Variants in OSTN observed in about 807,000 individuals in gnomAD.
The protein encoded by OSTN is osteocrin.
In OSTN, 9 loss-of-function variants were observed where a neutral mutation model predicts 12.0. The observed-to-expected ratio is 0.75, with a 90% confidence interval of 0.45 to 1.30. The LOEUF (loss-of-function observed/expected upper bound fraction) is 1.30, where lower values mean the gene tolerates loss of function less well. Ranked by LOEUF, OSTN falls within the 50% of genes most tolerant of loss-of-function variation. OSTN has a pLI of 0.00. For missense variants in OSTN, 148 were observed against 152.3 expected (o/e 0.97, Z 0.15); for synonymous variants, 59 against 56.9 (o/e 1.04, Z -0.16).
chr3:191,245,790 G>A (rs986447084), intron 3 of OSTN, among the ~76,000 whole-genome samples: 2 of 152,110 alleles, frequency 1.3e-5, no homozygotes, highest in African/African-American at 4.8e-5. Flanking sequence ...AAGAGGCCGG[G>A]CACAGTGGCT....
intron 3 of OSTN, among the ~76,000 whole-genome samples, chr3:191,236,177 G>A (rs917800843): frequency 6.6e-6 from 1 of 152,150 alleles, no homozygotes; most frequent in Non-Finnish European, 1.5e-5. Context: ...AATGCAAAAC[G>A]AAATACTTCC....
At chr3:191,218,307 C>G (rs1361968229) in intron 2 of OSTN, among the ~76,000 whole-genome samples, 1 of 152,124 alleles carries the variant, frequency 6.6e-6, no homozygotes, top group Admixed American at 6.6e-5. Flanking sequence ...ATCTAGCACT[C>G]TCTATGGAAA....
At chr3:191,241,152 A>G (rs1432688567) in intron 3 of OSTN, among the ~76,000 whole-genome samples, 2 of 127,038 alleles carry the variant, frequency 1.6e-5, no homozygotes, top group Non-Finnish European at 3.3e-5. Context: ...AAGTTGGTGG[A>G]GCTCTGTGCC....
At chr3:191,234,522 C>T (rs951307074) in intron 3 of OSTN, 4 of 151,960 alleles carry the variant, frequency 2.6e-5, no homozygotes, top group Non-Finnish European at 4.4e-5. Context: ...CAAAGCGAAA[C>T]CCCGTCTCTA....
chr3:191,243,783 C>T (rs912602645), intron 3 of OSTN, among the ~76,000 whole-genome samples: 10 of 152,170 alleles, frequency 6.6e-5, no homozygotes, highest in South Asian at 2.1e-4. Context: ...TTAATATTTA[C>T]ATTATTTACA....
At chr3:191,239,315 G>GT in intron 3 of OSTN, among the ~76,000 whole-genome samples, 1 of 151,926 alleles carries the variant, frequency 6.6e-6, no homozygotes, top group South Asian at 2.1e-4. Flanking sequence ...TATGCCCTGT[G>GT]AAGGGATGAA....
chr3:191,216,300 C>T (rs1714610234), intron 2 of OSTN, among the ~76,000 whole-genome samples: 1 of 152,224 alleles, frequency 6.6e-6, no homozygotes, highest in African/African-American at 2.4e-5. Context: ...ATTTTTCCCT[C>T]CTAGGCCGCT....
chr3:191,226,370 A>G (rs1444859411), intron 3 of OSTN, among the ~76,000 whole-genome samples: 1 of 152,210 alleles, frequency 6.6e-6, no homozygotes, highest in East Asian at 1.9e-4. Context: ...CAACAGAATA[A>G]GAACTGAGAA....
At chr3:191,222,170 G>A (rs1218955333) in intron 3 of OSTN, among the ~76,000 whole-genome samples, 2 of 152,228 alleles carry the variant, frequency 1.3e-5, no homozygotes, top group Non-Finnish European at 2.9e-5. Flanking sequence ...CCACTACTAG[G>A]GCAGTGCAGA....
At chr3:191,214,072 T>A (rs762464884) in intron 2 of OSTN, among the ~76,000 whole-genome samples, 1 of 152,186 alleles carries the variant, frequency 6.6e-6, no homozygotes, top group Non-Finnish European at 1.5e-5. Flanking sequence ...TTTCTTTTTA[T>A]ATGACAAAAG....
chr3:191,250,461 T>A (rs556596406), intron 4 of OSTN, among the ~76,000 whole-genome samples: 1 of 152,250 alleles, frequency 6.6e-6, no homozygotes, highest in South Asian at 2.1e-4. Context: ...ATCACCTCCA[T>A]AAATATATAA....
In OSTN at chr3:191,264,280, T is replaced by C. The variant is rs1288026719; in HGVS notation, c.*1427T>C. ...TTAGAAAAAGAGTTAAACTAAGAAA[T>C]TGACCTTTATGAAGGACTAATTTTT... On this transcript the variant is annotated 3_prime_UTR_variant, in exon 5 of 5. Transcript: ENST00000682035. The C allele has an allele frequency of 6.6e-6, 1 of 151,980 alleles. No individual in the cohort carries two copies. Among genetic ancestry groups the C allele is most frequent in the African/African-American group, 2.4e-5 (1 of 41,410 alleles). The allele number at this position is 151,980 out of a possible 1,614,324, so 9.4% of individuals were successfully genotyped here.
At chr3:191,235,058 A>G (rs1312655752) in intron 3 of OSTN, among the ~76,000 whole-genome samples, 1 of 152,178 alleles carries the variant, frequency 6.6e-6, no homozygotes, top group African/African-American at 2.4e-5. Context: ...ATACCACCTA[A>G]TTGAAAGAGA....
At position 191,263,043 on chromosome 3, in the gene OSTN, A is replaced by C; in HGVS notation, c.*190A>C. On this transcript the variant is annotated 3_prime_UTR_variant, in exon 5 of 5. Coordinates refer to ENST00000682035, the MANE Select transcript of OSTN (RefSeq NM_198184.2). ...CAGCTTCAATTAAATTGTGTAAATC[A>C]TTTTGATGCACGTACATTTTAAAAT... The C allele has an allele frequency of 1.8e-6, 1 of 542,524 alleles. No individual in the cohort carries two copies. The highest frequency in any genetic ancestry group is 2.7e-5 in the South Asian group (1 of 37,566). The allele number at this position is 542,524 out of a possible 1,614,324, so 33.6% of individuals were successfully genotyped here.
intron 3 of OSTN, among the ~76,000 whole-genome samples, chr3:191,227,720 TG>T (rs1176505845): frequency 6.6e-6 from 1 of 152,090 alleles, no homozygotes; most frequent in Non-Finnish European, 1.5e-5. Flanking sequence ...AAGTGAAAAG[TG>T]GTGTTGACAG....
chr3:191,215,147 C>T (rs1714574770), intron 2 of OSTN, among the ~76,000 whole-genome samples: 1 of 152,162 alleles, frequency 6.6e-6, no homozygotes, highest in Admixed American at 6.5e-5. Context: ...TGAAGAAAGG[C>T]ATATTCTTCA....
At chr3:191,239,306 A>G (rs1255600524) in intron 3 of OSTN, among the ~76,000 whole-genome samples, 1 of 64,432 alleles carries the variant, frequency 1.6e-5, no homozygotes, top group Non-Finnish European at 2.9e-5. Flanking sequence ...TACTTGGTGT[A>G]TGCCCTGTGA....
intron 2 of OSTN, among the ~76,000 whole-genome samples, chr3:191,213,918 G>A (rs906017667): frequency 6.6e-6 from 1 of 151,964 alleles, no homozygotes; most frequent in Non-Finnish European, 1.5e-5. Context: ...TTTCTTTCTG[G>A]TCATTTGCAT....
chr3:191,205,712 C>G (rs1399886435), intron 1 of OSTN, among the ~76,000 whole-genome samples: 2 of 152,036 alleles, frequency 1.3e-5, no homozygotes, highest in African/African-American at 4.8e-5. Context: ...TGCAACATTT[C>G]TATCTGATAA....
Sources: allele counts gnomAD v4.1 joint callset (sites outside exome capture counted in the v4.1 genomes callset), GRCh38; gene constraint gnomAD v4.1.1; transcripts MANE v1.5; gene names NCBI Gene and HGNC (gene_info 2026-07-23, HGNC 2026-07-21).